Variants in BEND7 observed in about 807,000 individuals in gnomAD.
The protein encoded by BEND7 is BEN domain-containing protein 7.
BEND7 carries 28 observed loss-of-function variants against 50.9 expected under a neutral mutation model. The observed-to-expected ratio is 0.55, with a 90% CI of 0.41 to 0.75. The LOEUF is 0.75. BEND7 is among the 30% of genes least tolerant of loss of function. The pLI is 0.00. For synonymous variants in BEND7, 170 were observed against 183.9 expected, an observed-to-expected ratio of 0.92 and a Z score of 0.61; for missense variants, 477 against 491.3, an observed-to-expected ratio of 0.97 and a Z score of 0.28.
At chr10:13,460,861 A>G (rs1840070025) in intron 6 of BEND7, among the ~76,000 whole-genome samples, 1 of 152,256 alleles carries the variant, frequency 6.6e-6, no homozygotes. Context: ...AATAAAATGC[A>G]TTAATTCAAG....
intron 2 of BEND7, among the ~76,000 whole-genome samples, chr10:13,516,054 A>G (rs1347554141): frequency 6.6e-6 from 1 of 152,238 alleles, no homozygotes; most frequent in Non-Finnish European, 1.5e-5. Flanking sequence ...CTGGAGGCAC[A>G]TTACCTTTTA....
chr10:13,489,841 T>C (rs1479072676), intron 5 of BEND7, among the ~76,000 whole-genome samples: 1 of 152,224 alleles, frequency 6.6e-6, no homozygotes, highest in South Asian at 2.1e-4. Flanking sequence ...AAACTTAATG[T>C]TTCCCAAGTT....
intron 2 of BEND7, among the ~76,000 whole-genome samples, chr10:13,508,656 A>G (rs2078065552): frequency 6.6e-6 from 1 of 152,252 alleles, no homozygotes; most frequent in South Asian, 2.1e-4. Flanking sequence ...ATTTACATTT[A>G]AAGGATAGCT....
chr10:13,528,573 GC>G lies in BEND7; in HGVS notation c.-41del. The G allele has an allele frequency of 9.0e-5, 2 of 22,282 alleles. No homozygotes were observed. The highest frequency in any genetic ancestry group is 9.9e-5 in the Non-Finnish European group (2 of 20,138). The allele number at this position is 22,282 out of a possible 1,614,324, so 1.4% of individuals were successfully genotyped here. The stretch of plus-strand genomic sequence containing the variant: ...GGCGGCGGGGGCTGAGGAGGCGGCG[GC>G]AGCGGCGGCAGCGGCAGCGGCGGCA... On this transcript the variant is annotated 5_prime_UTR_variant, in exon 1 of 9. Coordinates refer to ENST00000466271, the MANE Select transcript of BEND7 (RefSeq NM_001369863.1).
At chr10:13,514,205 C>G (rs1445406208) in intron 2 of BEND7, among the ~76,000 whole-genome samples, 1 of 152,190 alleles carries the variant, frequency 6.6e-6, no homozygotes, top group East Asian at 1.9e-4. Context: ...TCTACAACCT[C>G]CCAGCCTGGC....
intron 6 of BEND7, among the ~76,000 whole-genome samples, chr10:13,479,181 T>A (rs925220142): frequency 1.5e-4 from 23 of 152,090 alleles, no homozygotes; most frequent in Admixed American, 8.5e-4. Flanking sequence ...TAATTTTTTT[T>A]AATTTTTAGT....
chr10:13,464,971 C>A (rs138282068), intron 6 of BEND7, among the ~76,000 whole-genome samples: 1 of 152,144 alleles, frequency 6.6e-6, no homozygotes, highest in Non-Finnish European at 1.5e-5. Flanking sequence ...TCAACTGAGA[C>A]GTGACCTTCC....
downstream of BEND7, among the ~76,000 whole-genome samples, chr10:13,440,705 C>G (rs936847336): frequency 6.6e-6 from 1 of 152,186 alleles, no homozygotes; most frequent in East Asian, 1.9e-4. Flanking sequence ...TGCAGCCGCT[C>G]AGCATCGGAG....
At chr10:13,508,131 G>A (rs1411431199) in intron 2 of BEND7, among the ~76,000 whole-genome samples, 8 of 152,184 alleles carry the variant, frequency 5.3e-5, no homozygotes, top group Admixed American at 4.6e-4. Flanking sequence ...AACAGACCCT[G>A]TGCTTTGAGG....
intron 2 of BEND7, among the ~76,000 whole-genome samples, chr10:13,514,136 G>A (rs553968967): frequency 2.0e-4 from 30 of 152,222 alleles, no homozygotes; most frequent in African/African-American, 7.0e-4. Context: ...AGGCCTGGGA[G>A]GGCTCCTGTC....
intron 2 of BEND7, among the ~76,000 whole-genome samples, chr10:13,517,436 C>A (rs780365359): frequency 6.6e-6 from 1 of 152,092 alleles, no homozygotes; most frequent in Non-Finnish European, 1.5e-5. Context: ...AGGGTCTCAG[C>A]TGTCATGCTA....
intron 6 of BEND7, chr10:13,459,526 G>C (rs892466800): frequency 6.6e-6 from 1 of 152,154 alleles, no homozygotes; most frequent in Non-Finnish European, 1.5e-5. Context: ...AAAACACTAC[G>C]AGAGGGTGGG....
At chr10:13,513,772 C>T (rs913357664) in intron 2 of BEND7, among the ~76,000 whole-genome samples, 1 of 152,186 alleles carries the variant, frequency 6.6e-6, no homozygotes, top group Non-Finnish European at 1.5e-5. Flanking sequence ...GCCAATATCC[C>T]CAGGATGGAG....
intron 6 of BEND7, among the ~76,000 whole-genome samples, chr10:13,468,583 GTTA>G: frequency 6.6e-6 from 1 of 152,200 alleles, no homozygotes; most frequent in Non-Finnish European, 1.5e-5. Flanking sequence ...TTACTAGGCT[GTTA>G]GGATACATTA....
chr10:13,525,211 C>T (rs1237984903), intron 2 of BEND7, among the ~76,000 whole-genome samples: 1 of 152,208 alleles, frequency 6.6e-6, no homozygotes. Flanking sequence ...CCACCATCTA[C>T]TCTCCACCCT....
chr10:13,502,806 C>T, intron 2 of BEND7: 1 of 743,518 alleles, frequency 1.3e-6, no homozygotes, highest in Non-Finnish European at 1.6e-6. Flanking sequence ...CACCCCTGAC[C>T]CCAGGCTCCC....
chr10:13,459,089 C>T (rs901250114), intron 6 of BEND7, among the ~76,000 whole-genome samples: 5 of 152,128 alleles, frequency 3.3e-5, no homozygotes, highest in African/African-American at 4.8e-5. Context: ...CATTTGAGCA[C>T]GCAGTGACGG....
chr10:13,441,290 G>T lies in BEND7; in HGVS notation c.*453C>A. Reference sequence around the variant, plus strand: ...ACAGAAGATTGAGACATTATCCATAGATATGGATTTTTTTTTTGCTAAGAA... The same window carrying T: ...ACAGAAGATTGAGACATTATCCATATATATGGATTTTTTTTTTGCTAAGAA... On this transcript the variant is annotated 3_prime_UTR_variant, in exon 9 of 9. Transcript: ENST00000466271. 9 of 943,142 alleles carry T rather than the reference G, an allele frequency of 9.5e-6. No individual in the cohort carries two copies. Among genetic ancestry groups the T allele is most frequent in the Non-Finnish European group, 1.1e-5 (9 of 791,418 alleles). The allele number at this position is 943,142 out of a possible 1,614,324, so 58.4% of individuals were successfully genotyped here.
chr10:13,442,059 G>A (rs1222882511), intron 8 of BEND7: 14 of 383,466 alleles, frequency 3.7e-5, no homozygotes, highest in Non-Finnish European at 5.2e-5. Context: ...TAGGTTTAGC[G>A]TTTCAGTGTG....
Sources: gnomAD v4.1 joint callset for allele counts (sites outside exome capture counted in the v4.1 genomes callset) on GRCh38, gnomAD v4.1.1 for gene constraint, MANE v1.5 for transcripts, NCBI Gene and HGNC (gene_info 2026-07-23, HGNC 2026-07-21) for gene names.